The following PPARGC1A variants were observed in gnomAD, a reference collection of about 807,000 sequenced individuals.
The protein encoded by PPARGC1A is PPARG coactivator 1 alpha, also known as peroxisome proliferator-activated receptor gamma coactivator 1-alpha.
A neutral mutation model predicts 88.7 loss-of-function variants in PPARGC1A; 25 were observed. The observed-to-expected ratio is 0.28, with a 90% CI of 0.21 to 0.39. The LOEUF (loss-of-function observed/expected upper bound fraction) is 0.39, where lower values mean the gene tolerates loss of function less well. PPARGC1A is among the 10% of genes least tolerant of loss of function. PPARGC1A has a pLI of 1.00. For missense variants in PPARGC1A, 880 were observed against 968.7 expected (o/e 0.91, Z 1.22); for synonymous variants, 363 against 355.6 (o/e 1.02, Z -0.24).
the PPARGC1A span, among the ~76,000 whole-genome samples, chr4:24,026,670 C>A: frequency 2.0e-5 from 3 of 152,152 alleles, no homozygotes; most frequent in African/African-American, 7.2e-5. Flanking sequence ...TTTAGACACA[C>A]GCCTCCACCA....
the PPARGC1A span, among the ~76,000 whole-genome samples, chr4:24,415,018 C>T: frequency 6.6e-6 from 1 of 151,970 alleles, no homozygotes; most frequent in Non-Finnish European, 1.5e-5. Context: ...GGTGAAACCC[C>T]GTCTCTACTA....
At chr4:24,132,757 T>A in the PPARGC1A span, among the ~76,000 whole-genome samples, 4 of 151,614 alleles carry the variant, frequency 2.6e-5, no homozygotes, top group Non-Finnish European at 4.4e-5. Flanking sequence ...CTGCTCAGAT[T>A]TTTTTTTTCA....
chr4:24,092,683 C>T, the PPARGC1A span, among the ~76,000 whole-genome samples: 1 of 152,188 alleles, frequency 6.6e-6, no homozygotes, highest in Non-Finnish European at 1.5e-5. Context: ...CATGGATGTA[C>T]TGCTTCTTAA....
Position 23,814,535 on chromosome 4 carries a change from C to G in PPARGC1A, c.948G>C (p.Leu316=). 1 of 1,610,758 alleles carries G rather than the reference C, an allele frequency of 6.2e-7. No individual in the cohort carries two copies. Residue 316 remains leucine (L), a synonymous_variant, in exon 8 of 13, where the codon CTG becomes CTC. Coordinates refer to ENST00000264867, the MANE Select transcript of PPARGC1A (RefSeq NM_013261.5). The part of the protein sequence containing the change: ...QDNPFRASPK[L]KSSCKTVVPP... ...GCACCACAGTCTTGCAAGAGGACTT[C>G]AGCTTTGGAGAAGCCCTAAAAGGGT...
chr4:24,272,998 A>C, the PPARGC1A span, among the ~76,000 whole-genome samples: 1 of 152,368 alleles, frequency 6.6e-6, no homozygotes, highest in African/African-American at 2.4e-5. Flanking sequence ...ACCTAACTGC[A>C]GCTCAGCTCT....
chr4:24,426,847 G>T, the PPARGC1A span, among the ~76,000 whole-genome samples: 1 of 152,070 alleles, frequency 6.6e-6, no homozygotes, highest in South Asian at 2.1e-4. Context: ...ATAAATACTC[G>T]GGCCAAGGCA....
chr4:23,851,842 A>G lies in PPARGC1A; in HGVS notation c.235-20091T>C, dbSNP rs547535324. Among the ~76,000 whole-genome samples the G allele has an allele frequency of 3.3e-5, 5 of 152,320 alleles. No homozygotes were observed. The South Asian group carries it at 1.0e-3, about 32-fold the overall frequency. On this transcript the variant is annotated intron_variant, in intron 2 of 12. Transcript: ENST00000264867. ...TGTGTCTTACAGAAGCTATTTTAAA[A>G]CAAGAACATTAAGTATACTACATCC...
At chr4:24,120,997 G>C in the PPARGC1A span, among the ~76,000 whole-genome samples, 1 of 152,184 alleles carries the variant, frequency 6.6e-6, no homozygotes, top group Non-Finnish European at 1.5e-5. Flanking sequence ...CTCTCCAATA[G>C]CAACAAGCAC....
intron 2 of PPARGC1A, among the ~76,000 whole-genome samples, chr4:23,877,432 G>A (rs1009758771): frequency 6.0e-5 from 9 of 149,804 alleles, no homozygotes; most frequent in African/African-American, 2.2e-4. Flanking sequence ...CAGCTACTAG[G>A]GAGGCTGAGG....
chr4:24,018,741 T>A, the PPARGC1A span, among the ~76,000 whole-genome samples: 1 of 149,932 alleles, frequency 6.7e-6, no homozygotes, highest in Non-Finnish European at 1.5e-5. Flanking sequence ...CCCAAATCTC[T>A]GATAAAGCCT....
the PPARGC1A span, among the ~76,000 whole-genome samples, chr4:24,184,092 C>T: frequency 1.3e-4 from 20 of 152,194 alleles, no homozygotes; most frequent in African/African-American, 4.6e-4. Context: ...TGTAAAAGAA[C>T]TGCTAAGCTA....
the PPARGC1A span, among the ~76,000 whole-genome samples, chr4:23,952,156 G>A: frequency 2.0e-5 from 3 of 152,070 alleles, no homozygotes; most frequent in African/African-American, 7.2e-5. Context: ...AAACTCTTGG[G>A]TTCGTAGCCT....
At chr4:24,307,179 A>G in the PPARGC1A span, among the ~76,000 whole-genome samples, 3 of 152,128 alleles carry the variant, frequency 2.0e-5, no homozygotes, top group Admixed American at 6.5e-5. Context: ...TGGTCCTGCA[A>G]TACATACCCA....
the PPARGC1A span, among the ~76,000 whole-genome samples, chr4:24,037,535 C>G: frequency 6.6e-6 from 1 of 152,154 alleles, no homozygotes; most frequent in Non-Finnish European, 1.5e-5. Context: ...GCTTGTAAAA[C>G]CTGTAAATAG....
the PPARGC1A span, among the ~76,000 whole-genome samples, chr4:24,355,776 G>C: frequency 6.6e-6 from 1 of 152,108 alleles, no homozygotes; most frequent in African/African-American, 2.4e-5. Flanking sequence ...GTGCGAGGGG[G>C]AGGAAGAACT....
At chr4:24,181,278 T>A in the PPARGC1A span, among the ~76,000 whole-genome samples, 1 of 152,184 alleles carries the variant, frequency 6.6e-6, no homozygotes, top group Non-Finnish European at 1.5e-5. Flanking sequence ...AAACACAGGT[T>A]CAAATTTTCC....
rs1307453499 is a variant in PPARGC1A at position 23,794,844 on chromosome 4, C to T, written c.*978G>A. ...GTAATGTAACCCGGTGTCCGCTCCT[C>T]AGAAAGAACCGCTGAACAAGCTGCA... On this transcript the variant is annotated 3_prime_UTR_variant, in exon 13 of 13. Coordinates refer to ENST00000264867, the MANE Select transcript of PPARGC1A (RefSeq NM_013261.5). The T allele has an allele frequency of 6.6e-6, 1 of 152,498 alleles. No homozygotes were observed. The highest frequency in any genetic ancestry group is 1.5e-5 in the Non-Finnish European group (1 of 68,008). The allele number at this position is 152,498 out of a possible 1,614,324, so 9.4% of individuals were successfully genotyped here.
the PPARGC1A span, among the ~76,000 whole-genome samples, chr4:24,320,589 CG>C: frequency 3.9e-5 from 6 of 152,044 alleles, no homozygotes; most frequent in Non-Finnish European, 7.4e-5. Flanking sequence ...AGTATTTTAA[CG>C]GGTAACGAAT....
the PPARGC1A span, among the ~76,000 whole-genome samples, chr4:23,930,280 A>G: frequency 6.6e-6 from 1 of 152,164 alleles, no homozygotes; most frequent in Non-Finnish European, 1.5e-5. Flanking sequence ...CAGCCCTCAC[A>G]TTGTACCATT....
Sources: allele counts gnomAD v4.1 joint callset (sites outside exome capture counted in the v4.1 genomes callset), GRCh38; gene constraint gnomAD v4.1.1; transcripts MANE v1.5; gene names NCBI Gene and HGNC (gene_info 2026-07-23, HGNC 2026-07-21).